PAK6: variants seen among roughly 807,000 people sequenced by gnomAD.
PAK6 encodes the protein p21 (RAC1) activated kinase 6.
PAK6 carries 33 observed loss-of-function variants against 60.8 expected under a neutral mutation model. The observed-to-expected ratio is 0.54, with a 90% CI of 0.41 to 0.73. The LOEUF is 0.73. PAK6 is among the 30% of genes least tolerant of loss of function. PAK6 has a pLI of 0.00. For synonymous variants in PAK6, 404 were observed against 378.5 expected (o/e 1.07, Z -0.78); for missense variants, 845 against 904.1 (o/e 0.93, Z 0.84).
chr15:40,257,826 C>T (rs1391116086), intron 3 of PAK6, among the ~76,000 whole-genome samples: 1 of 152,106 alleles, frequency 6.6e-6, no homozygotes, highest in African/African-American at 2.4e-5. Context: ...CTGCTTTTCT[C>T]ATCTGTGGAC....
At chr15:40,252,237 C>T in intron 2 of PAK6, 1 of 1,189,324 alleles carries the variant, frequency 8.4e-7, no homozygotes, top group Non-Finnish European at 1.1e-6. Flanking sequence ...GGCTCTGGAG[C>T]GTGCATCTGC....
chr15:40,252,751 A>G (rs779368385), intron 2 of PAK6: 13 of 1,301,798 alleles, frequency 1.0e-5, no homozygotes, highest in South Asian at 1.2e-5. Flanking sequence ...CAACACGCGC[A>G]GCCCCCTTCC....
chr15:40,269,783 C>T (rs1051849543), intron 5 of PAK6, among the ~76,000 whole-genome samples: 1 of 152,198 alleles, frequency 6.6e-6, no homozygotes, highest in Admixed American at 6.5e-5. Flanking sequence ...AGCCTCCAGA[C>T]GCAGGCTCCG....
chr15:40,271,690 G>A (rs1467547942), intron 5 of PAK6, among the ~76,000 whole-genome samples: 5 of 152,118 alleles, frequency 3.3e-5, no homozygotes, highest in South Asian at 2.1e-4. Context: ...CAGGGCTATC[G>A]GGCCCCAGGT....
chr15:40,270,595 T>C (rs1320480379), intron 5 of PAK6, among the ~76,000 whole-genome samples: 1 of 152,176 alleles, frequency 6.6e-6, no homozygotes, highest in African/African-American at 2.4e-5. Flanking sequence ...ACTGCTCCAC[T>C]ACACAGTGGA....
At chr15:40,246,141 C>A (rs568687306) in intron 2 of PAK6, 1 of 152,302 alleles carries the variant, frequency 6.6e-6, no homozygotes, top group East Asian at 1.9e-4. Flanking sequence ...GATTGAAGTT[C>A]TTTTTGTCCC....
At chr15:40,264,632 G>C (rs1303931057) in intron 3 of PAK6, 149 bp from the exon 4 acceptor site, 17 of 679,484 alleles carry the variant, frequency 2.5e-5, no homozygotes, top group South Asian at 2.5e-4. Context: ...ATTTCCCTGA[G>C]GAAGCAGAGA....
Position 40,274,282 on chromosome 15 carries a change from T to C in PAK6, c.1878+6T>C, listed in dbSNP as rs776585865. The C allele has an allele frequency of 4.4e-6, 7 of 1,600,288 alleles. No individual in the cohort carries two copies. In the African/African-American group the frequency reaches 5.4e-5, roughly 12 times the overall value. On this transcript the variant is annotated splice_donor_region_variant and intron_variant, in intron 10 of 10. Coordinates refer to ENST00000560346, the Ensembl canonical transcript of PAK6. Reference sequence around the variant, plus strand: ...AGCTGAAAAACTCTCACAAGGTCAGTTGGCACACAAGGGTGCGACCTCGCA... The same window carrying C: ...AGCTGAAAAACTCTCACAAGGTCAGCTGGCACACAAGGGTGCGACCTCGCA...
chr15:40,266,982 G>T (rs1344531562), intron 5 of PAK6: 1 of 154,642 alleles, frequency 6.5e-6, no homozygotes, highest in African/African-American at 2.4e-5. Flanking sequence ...CAGAGGAGGA[G>T]ACTGATAGAG....
intron 2 of PAK6, among the ~76,000 whole-genome samples, chr15:40,249,886 C>T (rs1038249563): frequency 6.6e-6 from 1 of 152,270 alleles, no homozygotes; most frequent in Non-Finnish European, 1.5e-5. Flanking sequence ...GGCACCACTC[C>T]AAGAGCCATG....
chr15:40,239,671 G>A (rs889577378), exon 1 of PAK6: 1 of 152,410 alleles, frequency 6.6e-6, no homozygotes, highest in East Asian at 1.9e-4. Flanking sequence ...AGTCTTGTCC[G>A]AGCTGACTGG....
chr15:40,273,253 C>G, intron 7 of PAK6, 93 bp from the exon 8 acceptor site: 1 of 1,450,164 alleles, frequency 6.9e-7, no homozygotes, highest in Non-Finnish European at 9.4e-7. Context: ...AGCTGTGGGG[C>G]CTAGCACCAG....
intron 3 of PAK6, chr15:40,263,740 G>A (rs573976004): frequency 2.8e-6 from 1 of 357,756 alleles, no homozygotes; most frequent in South Asian, 2.1e-5. Context: ...TCAACCCCAT[G>A]GGTATCCGGG....
chr15:40,260,796 G>A (rs2038961263), intron 3 of PAK6, among the ~76,000 whole-genome samples: 1 of 151,890 alleles, frequency 6.6e-6, no homozygotes, highest in African/African-American at 2.4e-5. Context: ...CTTTAATAAT[G>A]TTTTGTATTT....
intron 3 of PAK6, among the ~76,000 whole-genome samples, chr15:40,255,129 G>C (rs1284848340): frequency 6.6e-6 from 1 of 152,142 alleles, no homozygotes; most frequent in Non-Finnish European, 1.5e-5. Context: ...CTTAGCATAG[G>C]GTCCTAGCTA....
At chr15:40,244,932 C>T (rs536256435) in intron 2 of PAK6, 8 of 152,244 alleles carry the variant, frequency 5.3e-5, no homozygotes, top group Non-Finnish European at 8.8e-5. Flanking sequence ...CATCACGACA[C>T]ATCAGGCAGG....
intron 2 of PAK6, chr15:40,252,861 C>T (rs2038724078): frequency 8.8e-6 from 11 of 1,254,748 alleles, no homozygotes; most frequent in East Asian, 6.8e-5. Flanking sequence ...GGACCTCCCT[C>T]CGCGGGCGCC....
chr15:40,244,696 C>A (rs2038451477), intron 2 of PAK6, among the ~76,000 whole-genome samples: 1 of 152,140 alleles, frequency 6.6e-6, no homozygotes. Flanking sequence ...CCACACCCAG[C>A]CTGCTTTTTC....
At chr15:40,268,931 G>A (rs1324958245) in intron 5 of PAK6, among the ~76,000 whole-genome samples, 1 of 152,198 alleles carries the variant, frequency 6.6e-6, no homozygotes, top group African/African-American at 2.4e-5. Context: ...AGTGCCTACA[G>A]GACAACCAAA....
Sources: gnomAD v4.1 joint callset for allele counts (sites outside exome capture counted in the v4.1 genomes callset) on GRCh38, gnomAD v4.1.1 for gene constraint, MANE v1.5 for transcripts, NCBI Gene and HGNC (gene_info 2026-07-23, HGNC 2026-07-21) for gene names.